The following SLC15A4 variants were observed in gnomAD, a reference collection of about 807,000 sequenced individuals.
SLC15A4 encodes hPHT1.
A neutral mutation model predicts 46.1 loss-of-function variants in SLC15A4; 26 were observed. The observed-to-expected ratio is 0.56, with a 90% CI of 0.41 to 0.78. SLC15A4 has a LOEUF of 0.78. Ranked by LOEUF, SLC15A4 falls within the 30% of genes least tolerant of loss-of-function variation. The pLI, the probability that SLC15A4 is intolerant of heterozygous loss-of-function variation, is 0.00. For missense variants in SLC15A4, 751 were observed against 755.7 expected (o/e 0.99, Z 0.07); for synonymous variants, 370 against 333.4 (o/e 1.11, Z -1.20).
intron 7 of SLC15A4, 63 bp downstream of exon 7, chr12:128,799,196 C>G: frequency 6.3e-7 from 1 of 1,586,644 alleles, no homozygotes; most frequent in East Asian, 2.2e-5. Flanking sequence ...TCAGCCATCT[C>G]CTGAGTGCCT....
At chr12:128,805,967 G>T (rs1955581979) in intron 5 of SLC15A4, among the ~76,000 whole-genome samples, 1 of 152,072 alleles carries the variant, frequency 6.6e-6, no homozygotes, top group East Asian at 1.9e-4. Context: ...AGATCACGAG[G>T]TCAGGAGATC....
intron 1 of SLC15A4, among the ~76,000 whole-genome samples, chr12:128,818,214 G>T (rs182961704): frequency 6.6e-6 from 1 of 151,726 alleles, no homozygotes; most frequent in Admixed American, 6.6e-5. Context: ...GGGAAGATAC[G>T]GCCTGACATG....
intron 5 of SLC15A4, chr12:128,801,722 C>T (rs1275577737): frequency 2.6e-5 from 4 of 152,276 alleles, no homozygotes; most frequent in East Asian, 3.9e-4. Context: ...AGCATCTATT[C>T]GCAGGTCCAA....
chr12:128,798,648 C>T (rs1466993194), intron 7 of SLC15A4, among the ~76,000 whole-genome samples: 1 of 152,166 alleles, frequency 6.6e-6, no homozygotes, highest in East Asian at 1.9e-4. Context: ...AAGAAACCTT[C>T]GCTTGCTGGG....
At chr12:128,810,170 G>T (rs1955639161) in intron 2 of SLC15A4, 59 bp from the exon 3 acceptor site, 1 of 1,561,692 alleles carries the variant, frequency 6.4e-7, no homozygotes, top group Non-Finnish European at 8.7e-7. Flanking sequence ...CAATTATTTG[G>T]TCACAAATTA....
chr12:128,809,663 G>C, intron 3 of SLC15A4, 190 bp from the exon 4 acceptor site: 1 of 547,394 alleles, frequency 1.8e-6, no homozygotes, highest in Non-Finnish European at 3.2e-6. Flanking sequence ...GATCAATTTT[G>C]AAAAAGAATG....
chr12:128,812,240 G>A (rs555665002), intron 2 of SLC15A4, among the ~76,000 whole-genome samples: 90 of 152,332 alleles, frequency 5.9e-4, no homozygotes, highest in African/African-American at 2.1e-3. Flanking sequence ...GATTGGGCCA[G>A]ATGAAATTAA....
rs372794236 is a variant in SLC15A4 at position 128,794,236 on chromosome 12, C to G, written c.1694G>C (p.Arg565Pro). 6 of 1,613,528 alleles carry G rather than the reference C, an allele frequency of 3.7e-6. No individual in the cohort carries two copies. In the African/African-American group the frequency reaches 8.0e-5, roughly 22 times the overall value. Residue 565 changes from arginine to proline, a missense_variant, in exon 8 of 8, where the codon CGA becomes CCA. Physicochemically the swap from Arg to Pro is moderately radical, Grantham distance 103. Coordinates refer to ENST00000266771, the MANE Select transcript of SLC15A4 (RefSeq NM_145648.4). ...GGTGGGCACGCCATTGGCTCTTGATCGCTGATGGTCTCGATGATGGTCATA... is the reference window on the plus strand; with the variant it reads ...GGTGGGCACGCCATTGGCTCTTGATGGCTGATGGTCTCGATGATGGTCATA... ...VKYDHHRDHQ[R>P]SRANGVPTSR...
intron 5 of SLC15A4, among the ~76,000 whole-genome samples, chr12:128,804,270 T>C (rs1955552786): frequency 6.6e-6 from 1 of 152,150 alleles, no homozygotes; most frequent in African/African-American, 2.4e-5. Context: ...TTCTCTGAAA[T>C]TAGTCTTAGA....
At chr12:128,823,325 G>A in intron 1 of SLC15A4, 73 bp downstream of exon 1, 5 of 1,290,392 alleles carry the variant, frequency 3.9e-6, no homozygotes, top group Non-Finnish European at 4.0e-6. Flanking sequence ...GGCAGGGACT[G>A]GGGCAGGGGA....
intron 7 of SLC15A4, among the ~76,000 whole-genome samples, chr12:128,795,921 G>A (rs564442681): frequency 2.0e-5 from 3 of 152,296 alleles, no homozygotes; most frequent in East Asian, 3.9e-4. Context: ...GCGTGTGGCC[G>A]GCAACATCAC....
At chr12:128,796,006 T>G (rs143271492) in intron 7 of SLC15A4, among the ~76,000 whole-genome samples, 31 of 152,394 alleles carry the variant, frequency 2.0e-4, no homozygotes, top group African/African-American at 7.2e-4. Flanking sequence ...CATTTGTTTA[T>G]TTTAAAAAGT....
At chr12:128,818,061 T>C (rs1351560233) in intron 1 of SLC15A4, among the ~76,000 whole-genome samples, 2 of 150,526 alleles carry the variant, frequency 1.3e-5, no homozygotes, top group Non-Finnish European at 3.0e-5. Flanking sequence ...TAAAATGGGG[T>C]GTCAGTTTTT....
At chr12:128,806,129 C>A (rs1955584389) in intron 5 of SLC15A4, among the ~76,000 whole-genome samples, 3 of 138,252 alleles carry the variant, frequency 2.2e-5, no homozygotes, top group Admixed American at 1.6e-4. Context: ...GAGATTGCAC[C>A]ACTGCACTCC....
chr12:128,800,188 A>G (rs2135706219), intron 6 of SLC15A4, among the ~76,000 whole-genome samples: 1 of 152,174 alleles, frequency 6.6e-6, no homozygotes, highest in East Asian at 1.9e-4. Flanking sequence ...ATAAATTTAG[A>G]TTTTTATAAC....
chr12:128,807,414 G>A (rs563331506), intron 5 of SLC15A4, among the ~76,000 whole-genome samples: 12 of 152,342 alleles, frequency 7.9e-5, no homozygotes, highest in African/African-American at 2.9e-4. Flanking sequence ...TACTGGAAAA[G>A]CCTCCGGAAA....
At chr12:128,795,392 G>T (rs958690351) in intron 7 of SLC15A4, among the ~76,000 whole-genome samples, 1 of 152,132 alleles carries the variant, frequency 6.6e-6, no homozygotes, top group Non-Finnish European at 1.5e-5. Context: ...TACACGCAAC[G>T]TCTGCATCCC....
intron 5 of SLC15A4, among the ~76,000 whole-genome samples, chr12:128,808,023 T>C (rs1955610222): frequency 6.6e-6 from 1 of 152,238 alleles, no homozygotes; most frequent in African/African-American, 2.4e-5. Flanking sequence ...AGATAATACA[T>C]AGTTGGTTCA....
intron 5 of SLC15A4, among the ~76,000 whole-genome samples, chr12:128,807,533 G>C (rs1470646195): frequency 6.6e-6 from 1 of 152,218 alleles, no homozygotes; most frequent in Non-Finnish European, 1.5e-5. Context: ...GGGGGAGAGA[G>C]AGGTCTGAGG....
Sources: gnomAD v4.1 joint callset for allele counts (sites outside exome capture counted in the v4.1 genomes callset) on GRCh38, gnomAD v4.1.1 for gene constraint, MANE v1.5 for transcripts, NCBI Gene and HGNC (gene_info 2026-07-23, HGNC 2026-07-21) for gene names.